Variants in ADAMTS18 observed in about 807,000 individuals in gnomAD.
The protein encoded by ADAMTS18 is ADAM metallopeptidase with thrombospondin type 1 motif 18.
In ADAMTS18, 157 loss-of-function variants were observed where a neutral mutation model predicts 165.9. The ratio of observed to expected loss-of-function variants is 0.95; its 90% CI spans 0.83 to 1.08. The LOEUF (loss-of-function observed/expected upper bound fraction) is 1.08, where lower values mean the gene tolerates loss of function less well. Ranked by LOEUF, ADAMTS18 falls within the 50% of genes least tolerant of loss-of-function variation. The pLI is 0.00. For missense variants in ADAMTS18, 2,040 were observed against 1,534.0 expected (o/e 1.33, Z -5.51); for synonymous variants, 782 against 578.2 (o/e 1.35, Z -5.06).
chr16:77,429,447 G>A (rs554242366), intron 3 of ADAMTS18, among the ~76,000 whole-genome samples: 78 of 152,212 alleles, frequency 5.1e-4, no homozygotes, highest in African/African-American at 1.7e-3. Flanking sequence ...GTGGAGGGTC[G>A]GAGAAGATAG....
intron 3 of ADAMTS18, among the ~76,000 whole-genome samples, chr16:77,394,335 G>A (rs1042587230): frequency 2.0e-5 from 3 of 152,176 alleles, no homozygotes; most frequent in Non-Finnish European, 4.4e-5. Flanking sequence ...CTAGCTAGGT[G>A]ACATTTTTCA....
intron 16 of ADAMTS18, among the ~76,000 whole-genome samples, chr16:77,318,182 T>G (rs752902916): frequency 6.6e-6 from 1 of 152,228 alleles, no homozygotes; most frequent in African/African-American, 2.4e-5. Context: ...ATGTCAGTAT[T>G]GGTCAAAATA....
Position 77,291,391 on chromosome 16 carries a change from C to G in ADAMTS18, c.3277G>C (p.Glu1093Gln). ...GFQGKLITFP[E>Q]RRCRNIKKPN... ...TTCTTAATATTACGGCATCTTCGCT[C>G]TGGGAAAGTTATCAGCTTTCCCTGG... Residue 1093 changes from glutamate (E) to glutamine (Q), a missense_variant, in exon 21 of 23, where the codon GAG becomes CAG. By Grantham distance (29) the Glu-to-Gln change is conservative (BLOSUM62 2). Coordinates refer to ENST00000282849, the MANE Select transcript of ADAMTS18 (RefSeq NM_199355.4). The G allele has an allele frequency of 6.2e-7, 1 of 1,614,162 alleles. No individual in the cohort carries two copies. The highest frequency in any genetic ancestry group is 1.1e-5 in the South Asian group (1 of 91,080).
At chr16:77,409,989 G>A (rs8052719) in intron 3 of ADAMTS18, among the ~76,000 whole-genome samples, 80,910 of 151,682 alleles carry the variant, frequency 0.53, 22,451 homozygotes, top group Non-Finnish European at 0.63. Context: ...CTTACCTGGG[G>A]GACAATTACA....
At position 77,320,313 on chromosome 16, in the gene ADAMTS18, C is replaced by T. The variant is rs139611140; in HGVS notation, c.2288-220G>A. On this transcript the variant is annotated intron_variant, in intron 15 of 22. Transcript: ENST00000282849. ...TATGTGGCTTCCCAAAGCCTTCCAA[C>T]TATGTTTTCTGTGGAGAACAAATAC... is the stretch of plus-strand genomic sequence containing the variant. Among the ~76,000 whole-genome samples, 184 of 152,312 alleles carry T rather than the reference C, an allele frequency of 1.2e-3. 2 individuals carry two copies. Among genetic ancestry groups the T allele is most frequent in the African/African-American group, 4.2e-3 (175 of 41,578 alleles).
In ADAMTS18 at chr16:77,320,053, G is replaced by T; in HGVS notation, c.2328C>A (p.Ser776Arg). 1 of 1,614,134 alleles carries T rather than the reference G, an allele frequency of 6.2e-7. No homozygotes were observed. Among genetic ancestry groups the T allele is most frequent in the Non-Finnish European group, 8.5e-7 (1 of 1,180,016 alleles). ...AAACCTGCAGCTCCTGGATTTCGAT[G>T]CTTCGGGCGCCAGCTGGAATGAGGA... The part of the protein sequence containing the change: ...PVVLIPAGAR[S>R]IEIQELQVSS... The change falls in exon 16 of 23, where the codon AGC becomes AGA. Residue 776 changes from serine (S) to arginine (R), a missense_variant. Physicochemically the swap from Ser to Arg is moderately radical, Grantham distance 110. Transcript: ENST00000282849.
chr16:77,426,017 G>T (rs2057667813), intron 3 of ADAMTS18, among the ~76,000 whole-genome samples: 1 of 151,942 alleles, frequency 6.6e-6, no homozygotes, highest in Non-Finnish European at 1.5e-5. Context: ...CTCCAGCCTG[G>T]GCAACACAGC....
chr16:77,386,526 A>T (rs2057110069), intron 3 of ADAMTS18, among the ~76,000 whole-genome samples: 1 of 152,162 alleles, frequency 6.6e-6, no homozygotes, highest in South Asian at 2.1e-4. Context: ...CAGCAGCTAG[A>T]GAGTGGCCGC....
intron 19 of ADAMTS18, among the ~76,000 whole-genome samples, chr16:77,294,291 G>A (rs901982982): frequency 2.0e-5 from 3 of 152,062 alleles, no homozygotes; most frequent in African/African-American, 7.2e-5. Flanking sequence ...GCTGGCCTGG[G>A]CTGTGTAGGA....
intron 12 of ADAMTS18, among the ~76,000 whole-genome samples, chr16:77,334,722 C>T (rs866657087): frequency 1.2e-4 from 5 of 43,300 alleles, no homozygotes; most frequent in East Asian, 3.8e-4. Flanking sequence ...CTATAGTATA[C>T]TACTATATAC....
chr16:77,314,785 T>TAA lies in ADAMTS18; in HGVS notation c.2532+5062_2532+5063dup, dbSNP rs1205295038. On this transcript the variant is annotated intron_variant, in intron 16 of 22. Transcript: ENST00000282849. ...ATATATATATATATATATATATATA[T>TAA]AAAATATATGTGATATGCTCAGAAG... 4.6e-4 allele frequency among the ~76,000 whole-genome samples: 40 copies of TAA among 87,098 alleles called. 4 individuals are homozygous for TAA. The East Asian group carries it at 6.2e-3, about 14-fold the overall frequency. 57.1% of individuals were successfully genotyped at this position (87,098 alleles called of 152,430 possible).
At chr16:77,380,199 T>C (rs1430145114) in intron 3 of ADAMTS18, among the ~76,000 whole-genome samples, 1 of 152,212 alleles carries the variant, frequency 6.6e-6, no homozygotes, top group African/African-American at 2.4e-5. Context: ...TAACATGACT[T>C]TGACTATATG....
At chr16:77,345,942 C>T (rs2056469060) in intron 10 of ADAMTS18, among the ~76,000 whole-genome samples, 1 of 152,140 alleles carries the variant, frequency 6.6e-6, no homozygotes, top group Non-Finnish European at 1.5e-5. Context: ...TGCACTCAAG[C>T]CCCCTGTATC....
intron 3 of ADAMTS18, among the ~76,000 whole-genome samples, chr16:77,395,222 G>C (rs1000050386): frequency 6.6e-6 from 1 of 152,206 alleles, no homozygotes. Flanking sequence ...AATGTGACCT[G>C]AGATGGGGTT....
intron 16 of ADAMTS18, among the ~76,000 whole-genome samples, chr16:77,313,815 A>T (rs923596941): frequency 2.6e-5 from 4 of 152,206 alleles, no homozygotes; most frequent in African/African-American, 4.8e-5. Context: ...CTTCAAGCCG[A>T]AAAAGCCCCT....
At position 77,293,060 on chromosome 16, in the gene ADAMTS18, G is replaced by T. The variant is rs775166151; in HGVS notation, c.3189+16C>A. 2 of 1,613,874 alleles carry T rather than the reference G, an allele frequency of 1.2e-6. No individual in the cohort carries two copies. Among genetic ancestry groups the T allele is most frequent in the Admixed American group, 1.7e-5 (1 of 60,000 alleles). On this transcript the variant is annotated intron_variant, in intron 20 of 22. Coordinates refer to ENST00000282849, the MANE Select transcript of ADAMTS18 (RefSeq NM_199355.4). ...GGTCTCAATCTCCTGACCCAGCAGT[G>T]ACTTCTAATCCATACCTCGCTCCAC...
At chr16:77,315,611 C>T (rs904798438) in intron 16 of ADAMTS18, among the ~76,000 whole-genome samples, 8 of 152,118 alleles carry the variant, frequency 5.3e-5, no homozygotes, top group Non-Finnish European at 8.8e-5. Context: ...AGCACAAGCA[C>T]GCCTCTCCGT....
At chr16:77,391,604 G>A (rs558977753) in intron 3 of ADAMTS18, among the ~76,000 whole-genome samples, 1 of 152,108 alleles carries the variant, frequency 6.6e-6, no homozygotes, top group Non-Finnish European at 1.5e-5. Context: ...GGAAGAGGGG[G>A]AAGAGTCATC....
chr16:77,310,263 G>T (rs1327865795), intron 16 of ADAMTS18, among the ~76,000 whole-genome samples: 1 of 152,192 alleles, frequency 6.6e-6, no homozygotes, highest in Non-Finnish European at 1.5e-5. Flanking sequence ...AACATCCCAC[G>T]ATGTTCCAGA....
Sources: allele counts gnomAD v4.1 joint callset (sites outside exome capture counted in the v4.1 genomes callset), GRCh38; gene constraint gnomAD v4.1.1; transcripts MANE v1.5; gene names NCBI Gene and HGNC (gene_info 2026-07-23, HGNC 2026-07-21).